The following SGCZ variants were observed in gnomAD, a reference collection of about 807,000 sequenced individuals.
SGCZ encodes sarcoglycan zeta, also known as zeta-sarcoglycan.
SGCZ carries 40 observed loss-of-function variants against 41.3 expected under a neutral mutation model. That is an observed-to-expected ratio of 0.97 (90% confidence interval 0.75 to 1.26). SGCZ has a LOEUF of 1.26. Ranked by LOEUF, SGCZ falls within the 50% of genes most tolerant of loss-of-function variation. SGCZ has a pLI of 0.00. For synonymous variants in SGCZ, 206 were observed against 137.5 expected (o/e 1.50, Z -3.49); for missense variants, 552 against 369.8 (o/e 1.49, Z -4.04).
chr8:14,184,089 A>G (rs528001030), intron 4 of SGCZ, among the ~76,000 whole-genome samples: 1 of 152,276 alleles, frequency 6.6e-6, no homozygotes, highest in South Asian at 2.1e-4. Flanking sequence ...AACCATCATC[A>G]TTTTCATATA....
intron 3 of SGCZ, among the ~76,000 whole-genome samples, chr8:14,283,909 G>A (rs904500131): frequency 1.3e-5 from 2 of 152,138 alleles, no homozygotes; most frequent in African/African-American, 4.8e-5. Flanking sequence ...AACTTTTGTA[G>A]AATTTGTTCT....
chr8:14,387,142 G>C (rs1245490098), intron 2 of SGCZ, among the ~76,000 whole-genome samples: 2 of 152,122 alleles, frequency 1.3e-5, no homozygotes, highest in Non-Finnish European at 2.9e-5. Context: ...ATAACTCCTG[G>C]CCTCAAGTGA....
chr8:15,151,593 C>A (rs1341287881), intron 1 of SGCZ, among the ~76,000 whole-genome samples: 2 of 152,224 alleles, frequency 1.3e-5, no homozygotes, highest in East Asian at 3.9e-4. Context: ...AATACATTTT[C>A]ACAAAGAATG....
intron 1 of SGCZ, among the ~76,000 whole-genome samples, chr8:15,112,883 T>C (rs550240024): frequency 2.5e-4 from 38 of 152,088 alleles, no homozygotes; most frequent in Non-Finnish European, 4.1e-4. Flanking sequence ...AATAAACAAT[T>C]GTTGCTGTTT....
chr8:14,954,462 A>C (rs776517096), intron 1 of SGCZ, among the ~76,000 whole-genome samples: 1 of 152,142 alleles, frequency 6.6e-6, no homozygotes, highest in Non-Finnish European at 1.5e-5. Flanking sequence ...TGTGCACAGG[A>C]GTTGCAGCTT....
intron 3 of SGCZ, among the ~76,000 whole-genome samples, chr8:14,292,163 C>A (rs1800861795): frequency 6.6e-6 from 1 of 151,982 alleles, no homozygotes; most frequent in African/African-American, 2.4e-5. Flanking sequence ...TAAGTACGAA[C>A]TAGGAGCTAG....
chr8:14,102,359 A>G lies in SGCZ; in HGVS notation c.744+17T>C, dbSNP rs1333066758. 6.2e-6 allele frequency: 9 copies of G among 1,462,000 alleles called. No individual in the cohort carries two copies. The highest frequency in any genetic ancestry group is 7.3e-6 in the Non-Finnish European group (8 of 1,090,082). The allele number at this position is 1,462,000 out of a possible 1,614,324, so 90.6% of individuals were successfully genotyped here. A position where few individuals can be genotyped will look rare whatever the true frequency, so the allele number is the denominator to read the frequency against. On this transcript the variant is annotated intron_variant, in intron 7 of 7. Coordinates refer to ENST00000382080, the MANE Select transcript of SGCZ (RefSeq NM_139167.4). ...AGTGGGCAGTATAGGGCGAGGGTCCAACTTTCTGGGACTCACCTCCCCTTC... is the reference window on the plus strand; with the variant it reads ...AGTGGGCAGTATAGGGCGAGGGTCCGACTTTCTGGGACTCACCTCCCCTTC...
At chr8:14,117,162 T>G (rs1802548831) in intron 5 of SGCZ, among the ~76,000 whole-genome samples, 1 of 152,096 alleles carries the variant, frequency 6.6e-6, no homozygotes, top group South Asian at 2.1e-4. Context: ...TCCTCTGACC[T>G]ACAAAAATAA....
chr8:14,507,216 A>G (rs10216405), intron 2 of SGCZ, among the ~76,000 whole-genome samples: 5,635 of 152,230 alleles, frequency 0.037, 129 homozygotes, highest in East Asian at 0.08. Context: ...ATACTGCATA[A>G]GTATGTAGCC....
In SGCZ at chr8:15,237,634, T is replaced by G. The variant is rs769418776; in HGVS notation, c.-11A>C. On this transcript the variant is annotated 5_prime_UTR_variant, in exon 1 of 8. Transcript: ENST00000382080. ...CGTTGATCTGTCCATGGAGCGCAAC[T>G]AAACGAAGTGGAGAGGAACCGGGCG... is the stretch of plus-strand genomic sequence containing the variant. The G allele has an allele frequency of 6.3e-7, 1 of 1,581,252 alleles. No homozygotes were observed. The highest frequency in any genetic ancestry group is 8.6e-7 in the Non-Finnish European group (1 of 1,161,512).
intron 3 of SGCZ, among the ~76,000 whole-genome samples, chr8:14,264,436 G>A (rs767784389): frequency 3.3e-5 from 5 of 152,084 alleles, no homozygotes; most frequent in Non-Finnish European, 7.3e-5. Flanking sequence ...AGAAATCCAT[G>A]GACCCACATG....
chr8:14,217,802 T>G (rs1023973788), intron 4 of SGCZ, among the ~76,000 whole-genome samples: 1 of 151,748 alleles, frequency 6.6e-6, no homozygotes, highest in Non-Finnish European at 1.5e-5. Flanking sequence ...GCTAATTTTT[T>G]GTATTTTTGG....
intron 2 of SGCZ, among the ~76,000 whole-genome samples, chr8:14,498,686 C>T (rs567656497): frequency 2.0e-5 from 3 of 151,994 alleles, no homozygotes; most frequent in East Asian, 1.9e-4. Context: ...CTGTTTAACA[C>T]TTGTTGATTA....
chr8:14,170,047 C>A (rs1369538592), intron 4 of SGCZ, among the ~76,000 whole-genome samples: 4 of 125,588 alleles, frequency 3.2e-5, no homozygotes, highest in Admixed American at 1.8e-4. Context: ...AAATTGGGTT[C>A]TTTCACTTGA....
chr8:14,673,317 A>G (rs548483931), intron 1 of SGCZ, among the ~76,000 whole-genome samples: 14 of 152,186 alleles, frequency 9.2e-5, no homozygotes, highest in Middle Eastern at 6.8e-3. Flanking sequence ...TGATTGTATC[A>G]TGGGGGTGGT....
At chr8:14,800,582 T>G (rs1297885996) in intron 1 of SGCZ, among the ~76,000 whole-genome samples, 1 of 152,162 alleles carries the variant, frequency 6.6e-6, no homozygotes, top group African/African-American at 2.4e-5. Context: ...CATGCTGTTT[T>G]CCTGATAGAG....
At chr8:14,738,901 C>T (rs1799122947) in intron 1 of SGCZ, among the ~76,000 whole-genome samples, 2 of 152,070 alleles carry the variant, frequency 1.3e-5, no homozygotes, top group South Asian at 4.1e-4. Context: ...TAAGAGACTC[C>T]CCCAGGTAGG....
At chr8:14,325,721 C>T (rs1242609138) in intron 2 of SGCZ, among the ~76,000 whole-genome samples, 7 of 60,118 alleles carry the variant, frequency 1.2e-4, no homozygotes, top group African/African-American at 4.1e-4. Context: ...TATCTGTATA[C>T]ACACACACAC....
chr8:14,813,871 T>C (rs1323032719), intron 1 of SGCZ, among the ~76,000 whole-genome samples: 1 of 152,140 alleles, frequency 6.6e-6, no homozygotes, highest in Non-Finnish European at 1.5e-5. Context: ...AAGAATCACT[T>C]GAACCCTGGA....
Sources: allele counts gnomAD v4.1 joint callset (sites outside exome capture counted in the v4.1 genomes callset), GRCh38; gene constraint gnomAD v4.1.1; transcripts MANE v1.5; gene names NCBI Gene and HGNC (gene_info 2026-07-23, HGNC 2026-07-21).